The following EPHA5 variants were observed in gnomAD, a reference collection of about 807,000 sequenced individuals.
EPHA5 encodes the protein EPH receptor A5.
In EPHA5, 60 loss-of-function variants were observed where a neutral mutation model predicts 105.0. The observed-to-expected ratio is 0.57, with a 90% CI of 0.46 to 0.71. EPHA5 has a LOEUF of 0.71. EPHA5 is among the 30% of genes least tolerant of loss of function. The probability of loss-of-function intolerance (pLI) is 0.00; values close to 1 mark genes in which losing one functional copy is unlikely to be tolerated. For synonymous variants in EPHA5, 513 were observed against 449.1 expected (o/e 1.14, Z -1.80); for missense variants, 1,218 against 1,274.7 (o/e 0.96, Z 0.68).
rs968638320 is a variant in EPHA5, at chr4:65,660,563, C to T, written c.181+8999G>A. Among the ~76,000 whole-genome samples the T allele has an allele frequency of 7.9e-5, 12 of 152,164 alleles. 1 individual carries two copies. Among genetic ancestry groups the T allele is most frequent in the African/African-American group, 2.9e-4 (12 of 41,512 alleles). ...GGTGTACCCACTTGGCTTTAGGAAACCTACTAGGCTACATAGGTACATTAT... is the reference window on the plus strand; with the variant it reads ...GGTGTACCCACTTGGCTTTAGGAAATCTACTAGGCTACATAGGTACATTAT... On this transcript the variant is annotated intron_variant, in intron 1 of 16. Coordinates refer to ENST00000613740, the MANE Select transcript of EPHA5 (RefSeq NM_001281766.3).
intron 11 of EPHA5, among the ~76,000 whole-genome samples, chr4:65,361,108 C>T (rs1012626021): frequency 6.6e-6 from 1 of 151,610 alleles, no homozygotes; most frequent in Non-Finnish European, 1.5e-5. Flanking sequence ...AACCTCTGCC[C>T]TTTGAAGTTC....
chr4:65,360,689 T>G lies in EPHA5; in HGVS notation c.2173+4328A>C, dbSNP rs555056945. On this transcript the variant is annotated intron_variant, in intron 11 of 16. Coordinates refer to ENST00000613740, the MANE Select transcript of EPHA5 (RefSeq NM_001281766.3). ...AAGATCTGATTTTCAAACTTTCCTA[T>G]TAATTTTATTATTTTTCTTAAAAGC... is the stretch of plus-strand genomic sequence containing the variant. Among the ~76,000 whole-genome samples, 81 of 151,730 alleles carry G rather than the reference T, an allele frequency of 5.3e-4. 1 individual carries two copies. The highest frequency in any genetic ancestry group is 1.1e-3 in the Non-Finnish European group (76 of 67,748).
chr4:65,479,672 C>A (rs570929551), intron 5 of EPHA5, among the ~76,000 whole-genome samples: 2 of 152,096 alleles, frequency 1.3e-5, no homozygotes, highest in South Asian at 2.1e-4. Flanking sequence ...AGTAAGAGAA[C>A]CTGGGTCTCT....
chr4:65,465,533 A>AAAGGAAAGGAAGGAAAGG, intron 5 of EPHA5, among the ~76,000 whole-genome samples: 1 of 69,714 alleles, frequency 1.4e-5, no homozygotes, highest in East Asian at 4.2e-4. Flanking sequence ...GAAAGAAAAG[A>AAAGGAAAGGAAGGAAAGG]AAGGAAAGGA....
chr4:65,370,548 A>C (rs1038120736), intron 8 of EPHA5, among the ~76,000 whole-genome samples: 5 of 152,086 alleles, frequency 3.3e-5, no homozygotes, highest in African/African-American at 1.2e-4. Flanking sequence ...CAACTCTCCC[A>C]CCTTCAAAAA....
At chr4:65,407,573 A>G (rs1722482110) in intron 7 of EPHA5, among the ~76,000 whole-genome samples, 1 of 151,930 alleles carries the variant, frequency 6.6e-6, no homozygotes, top group Non-Finnish European at 1.5e-5. Context: ...TTAATATTCT[A>G]TGTGTTTATC....
intron 1 of EPHA5, among the ~76,000 whole-genome samples, chr4:65,653,411 T>C (rs1748779843): frequency 6.6e-6 from 1 of 152,072 alleles, no homozygotes; most frequent in Non-Finnish European, 1.5e-5. Flanking sequence ...CATTAAAAAC[T>C]AGTCAAAATA....
chr4:65,476,303 A>G (rs972249515), intron 5 of EPHA5, among the ~76,000 whole-genome samples: 1 of 152,184 alleles, frequency 6.6e-6, no homozygotes. Flanking sequence ...TTGCCATTAA[A>G]TAACACAATA....
At chr4:65,585,535 T>C (rs553773949) in intron 3 of EPHA5, among the ~76,000 whole-genome samples, 22 of 152,008 alleles carry the variant, frequency 1.4e-4, no homozygotes, top group Non-Finnish European at 2.7e-4. Flanking sequence ...CAGGATCTGT[T>C]AACTTTATTA....
At position 65,414,288 on chromosome 4, in the gene EPHA5, T is replaced by C; in HGVS notation, c.1683A>G (p.Pro561=). ...FSRRFEFETT[P]VSVAASSDQS... is the part of the protein sequence containing the mutation. ...ACAGTAATTAAAATGACTTACACAC[T>C]GGGGTGGTTTCAAACTCAAATCTTC... Residue 561 remains proline (P), a synonymous_variant, in exon 7 of 17, where the codon CCA becomes CCG. Coordinates refer to ENST00000613740, the MANE Select transcript of EPHA5 (RefSeq NM_001281766.3). The C allele has an allele frequency of 6.2e-7, 1 of 1,613,742 alleles. No individual in the cohort carries two copies. Among genetic ancestry groups the C allele is most frequent in the Non-Finnish European group, 8.5e-7 (1 of 1,179,760 alleles).
At chr4:65,427,091 T>A (rs1724508071) in intron 5 of EPHA5, among the ~76,000 whole-genome samples, 1 of 151,714 alleles carries the variant, frequency 6.6e-6, no homozygotes, top group African/African-American at 2.4e-5. Context: ...CAAGAATATA[T>A]ATGCGAATAT....
At chr4:65,559,632 A>G (rs4860187) in intron 3 of EPHA5, among the ~76,000 whole-genome samples, 35,441 of 152,002 alleles carry the variant, frequency 0.23, 4,256 homozygotes, top group Admixed American at 0.27. Context: ...AGGGTCCCCT[A>G]CTGTGATGTG....
intron 3 of EPHA5, among the ~76,000 whole-genome samples, chr4:65,499,497 A>G (rs1732270809): frequency 6.6e-6 from 1 of 151,654 alleles, no homozygotes; most frequent in Admixed American, 6.6e-5. Context: ...ATTCTAAATC[A>G]CATGATGACT....
intron 3 of EPHA5, among the ~76,000 whole-genome samples, chr4:65,499,571 G>C (rs1282632490): frequency 6.6e-6 from 1 of 151,384 alleles, no homozygotes; most frequent in Non-Finnish European, 1.5e-5. Flanking sequence ...TTACTTTCTT[G>C]CCGTACTCAC....
chr4:65,576,115 AAAAAG>A (rs1214473624), intron 3 of EPHA5, among the ~76,000 whole-genome samples: 5 of 45,702 alleles, frequency 1.1e-4, no homozygotes, highest in Admixed American at 2.3e-4. Context: ...AAAGAAAAGA[AAAAAG>A]AAAAGAAAAG....
intron 3 of EPHA5, among the ~76,000 whole-genome samples, chr4:65,576,906 C>T (rs907759240): frequency 6.6e-6 from 1 of 152,130 alleles, no homozygotes; most frequent in African/African-American, 2.4e-5. Flanking sequence ...TGCTCAGTCC[C>T]TTGGTACCTC....
chr4:65,586,784 C>T lies in EPHA5; in HGVS notation c.910+14857G>A, dbSNP rs78180497. ...ATTTCCAATTATAAAATAAAAACAA[C>T]AGTATATATCTGGTAAAGTTATTGT... On this transcript the variant is annotated intron_variant, in intron 3 of 16. Coordinates refer to ENST00000613740, the MANE Select transcript of EPHA5 (RefSeq NM_001281766.3). 1.9e-3 allele frequency among the ~76,000 whole-genome samples: 292 copies of T among 151,942 alleles called. 3 individuals carry two copies. Among genetic ancestry groups the T allele is most frequent in the African/African-American group, 6.7e-3 (279 of 41,494 alleles).
chr4:65,609,204 C>G (rs1744523712), intron 2 of EPHA5, among the ~76,000 whole-genome samples: 1 of 152,064 alleles, frequency 6.6e-6, no homozygotes, highest in African/African-American at 2.4e-5. Flanking sequence ...AGCTATGATT[C>G]TTTAGAAAAT....
intron 11 of EPHA5, among the ~76,000 whole-genome samples, chr4:65,356,885 T>C (rs1185152314): frequency 6.6e-6 from 1 of 151,390 alleles, no homozygotes; most frequent in East Asian, 1.9e-4. Context: ...CCTTGTAAAT[T>C]CAATAAAACT....
Sources: allele counts gnomAD v4.1 joint callset (sites outside exome capture counted in the v4.1 genomes callset), GRCh38; gene constraint gnomAD v4.1.1; transcripts MANE v1.5; gene names NCBI Gene and HGNC (gene_info 2026-07-23, HGNC 2026-07-21).